CDKAL1: variants seen among roughly 807,000 people sequenced by gnomAD.
CDKAL1 encodes the protein threonylcarbamoyladenosine tRNA methylthiotransferase.
In CDKAL1, 32 loss-of-function variants were observed where a neutral mutation model predicts 68.2. That is an observed-to-expected ratio of 0.47 (90% CI 0.35 to 0.63). CDKAL1 has a LOEUF of 0.63. CDKAL1 is among the 30% of genes least tolerant of loss of function. CDKAL1 has a pLI of 0.00. For synonymous variants in CDKAL1, 234 were observed against 244.3 expected, an observed-to-expected ratio of 0.96 and a Z score of 0.39; for missense variants, 606 against 696.7, an observed-to-expected ratio of 0.87 and a Z score of 1.47.
At chr6:20,785,976 T>C (rs1038708067) in intron 8 of CDKAL1, among the ~76,000 whole-genome samples, 11 of 152,174 alleles carry the variant, frequency 7.2e-5, no homozygotes, top group African/African-American at 2.2e-4. Flanking sequence ...ATCCCAGCAC[T>C]TTGGGAGGCC....
At chr6:20,852,814 A>G (rs1759089107) in intron 9 of CDKAL1, among the ~76,000 whole-genome samples, 1 of 152,218 alleles carries the variant, frequency 6.6e-6, no homozygotes, top group Non-Finnish European at 1.5e-5. Context: ...CCGTGGTTGA[A>G]GTAGAAGTGG....
intron 11 of CDKAL1, among the ~76,000 whole-genome samples, chr6:21,036,785 T>A (rs1561979665): frequency 6.6e-6 from 1 of 152,202 alleles, no homozygotes; most frequent in Non-Finnish European, 1.5e-5. Flanking sequence ...TTAATTTTGG[T>A]ATTCACCTCA....
At chr6:20,894,049 G>A (rs1761545948) in intron 9 of CDKAL1, among the ~76,000 whole-genome samples, 1 of 152,134 alleles carries the variant, frequency 6.6e-6, no homozygotes, top group Non-Finnish European at 1.5e-5. Context: ...ATGTAATTGT[G>A]TGCTGAGTAC....
At chr6:21,128,373 G>A (rs944014819) in intron 13 of CDKAL1, among the ~76,000 whole-genome samples, 1 of 152,114 alleles carries the variant, frequency 6.6e-6, no homozygotes, top group Non-Finnish European at 1.5e-5. Flanking sequence ...CTTATGAATG[G>A]GTTTGTCAGG....
chr6:21,201,198 C>G lies in CDKAL1; in HGVS notation c.1472C>G (p.Pro491Arg), dbSNP rs377523274. The change falls in exon 15 of 16, where the codon CCA (proline) becomes CGA (arginine). Residue 491 changes from proline to arginine, a missense_variant. Physicochemically the swap from Pro to Arg is moderately radical, Grantham distance 103 (BLOSUM62 -2). Transcript: ENST00000274695. ...ESGKHFMKGQ[P>R]VSDAKVYTPS... is the part of the protein sequence containing the mutation. ...GGCAAACATTTTATGAAAGGGCAGC[C>G]AGTATCTGATGCCAAAGTGTACACG... The G allele has an allele frequency of 5.8e-5, 93 of 1,613,758 alleles. No homozygotes were observed. The highest frequency in any genetic ancestry group is 7.5e-5 in the Non-Finnish European group (89 of 1,179,786).
intron 8 of CDKAL1, among the ~76,000 whole-genome samples, chr6:20,792,869 A>G (rs1047667385): frequency 6.6e-5 from 10 of 152,178 alleles, no homozygotes; most frequent in Admixed American, 2.6e-4. Flanking sequence ...GTTAACTGGG[A>G]AATAATTTTG....
chr6:20,721,109 C>T (rs1204132259), intron 5 of CDKAL1, among the ~76,000 whole-genome samples: 1 of 134,092 alleles, frequency 7.5e-6, no homozygotes, highest in Non-Finnish European at 1.6e-5. Context: ...TATCCCACCC[C>T]CCTCCCCCTA....
chr6:20,604,459 A>C lies in CDKAL1; in HGVS notation c.287-44834A>C, dbSNP rs758459916. On this transcript the variant is annotated intron_variant, in intron 4 of 15. Transcript: ENST00000274695. The stretch of plus-strand genomic sequence containing the variant: ...AAAGATATATTCTCACAGGGCTAGT[A>C]GCATATTCTGCATATGGATTTGCTT... 6.6e-5 allele frequency among the ~76,000 whole-genome samples: 10 copies of C among 152,196 alleles called. No homozygotes were observed. In the South Asian group the frequency reaches 1.0e-3, roughly 16 times the overall value.
intron 13 of CDKAL1, among the ~76,000 whole-genome samples, chr6:21,170,612 G>A (rs1777344334): frequency 6.6e-6 from 1 of 152,060 alleles, no homozygotes; most frequent in African/African-American, 2.4e-5. Context: ...ACAGGCGTGA[G>A]CCACCACGCC....
chr6:20,902,870 AG>A (rs1282490101), intron 9 of CDKAL1, among the ~76,000 whole-genome samples: 1 of 152,164 alleles, frequency 6.6e-6, no homozygotes, highest in Non-Finnish European at 1.5e-5. Context: ...GCATTGGGAC[AG>A]AACCCATCCA....
intron 8 of CDKAL1, among the ~76,000 whole-genome samples, chr6:20,835,518 TGTCTTTTGTC>T (rs1484212137): frequency 3.3e-5 from 5 of 151,214 alleles, no homozygotes; most frequent in South Asian, 2.1e-4. Flanking sequence ...TGTCTTGTCT[TGTCTTTTGTC>T]TTGTCTTGTC....
intron 11 of CDKAL1, among the ~76,000 whole-genome samples, chr6:21,015,764 T>C (rs1193291913): frequency 6.6e-6 from 1 of 151,886 alleles, no homozygotes; most frequent in Non-Finnish European, 1.5e-5. Flanking sequence ...ACATCTCTAC[T>C]AAAAATACAA....
chr6:21,041,573 ATT>A (rs371251294), intron 11 of CDKAL1, among the ~76,000 whole-genome samples: 1 of 142,290 alleles, frequency 7.0e-6, no homozygotes, highest in Admixed American at 6.9e-5. Flanking sequence ...TCTATCTTAG[ATT>A]TTTTTTTTCA....
intron 9 of CDKAL1, among the ~76,000 whole-genome samples, chr6:20,852,291 T>A (rs972959635): frequency 9.2e-5 from 14 of 152,008 alleles, no homozygotes; most frequent in Admixed American, 4.6e-4. Context: ...CTGATAGGAG[T>A]ATGTAAAAGA....
At chr6:20,956,046 G>C (rs750304947) in intron 10 of CDKAL1, among the ~76,000 whole-genome samples, 7 of 152,136 alleles carry the variant, frequency 4.6e-5, no homozygotes, top group Non-Finnish European at 1.0e-4. Flanking sequence ...CCTTCATCTG[G>C]AGATACATAG....
intron 9 of CDKAL1, among the ~76,000 whole-genome samples, chr6:20,944,897 A>G (rs1043153044): frequency 6.6e-6 from 1 of 152,202 alleles, no homozygotes; most frequent in East Asian, 1.9e-4. Context: ...GTAGCTGGTT[A>G]TTAAATTCTT....
intron 9 of CDKAL1, among the ~76,000 whole-genome samples, chr6:20,872,012 T>C (rs1419993445): frequency 6.6e-6 from 1 of 152,096 alleles, no homozygotes; most frequent in Non-Finnish European, 1.5e-5. Context: ...TTGAAGTTAT[T>C]TTGCCCCAAC....
rs185054609 is a variant in CDKAL1, at chr6:20,901,435, G to A, written c.743-53984G>A. ...CACACCTGTAATCCCAGCACTTTGG[G>A]AGGCCGAGGCGGGCAGATCACAAGG... On this transcript the variant is annotated intron_variant, in intron 9 of 15. Transcript: ENST00000274695. Among the ~76,000 whole-genome samples, 729 of 151,936 alleles carry A rather than the reference G, an allele frequency of 4.8e-3. 7 individuals carry two copies. Among genetic ancestry groups the A allele is most frequent in the Non-Finnish European group, 8.5e-3 (575 of 67,954 alleles).
At chr6:20,774,151 T>C (rs1775069541) in intron 7 of CDKAL1, among the ~76,000 whole-genome samples, 1 of 152,054 alleles carries the variant, frequency 6.6e-6, no homozygotes, top group Non-Finnish European at 1.5e-5. Flanking sequence ...TAAAATTAGA[T>C]GGAGTGAATG....
Sources: allele counts gnomAD v4.1 joint callset (sites outside exome capture counted in the v4.1 genomes callset), GRCh38; gene constraint gnomAD v4.1.1; transcripts MANE v1.5; gene names NCBI Gene and HGNC (gene_info 2026-07-23, HGNC 2026-07-21).